Variants in COL6A2 observed in about 807,000 individuals in gnomAD.
The protein encoded by COL6A2 is collagen alpha-2(VI) chain.
Under a neutral mutation model 124.9 loss-of-function variants are expected in COL6A2, and 90 were observed. The ratio of observed to expected loss-of-function variants is 0.72; its 90% CI spans 0.61 to 0.86. The LOEUF is 0.86. Among genes scored for constraint, COL6A2 ranks in the 40% least tolerant of loss-of-function variants. The pLI is 0.00. For missense variants in COL6A2, 1,607 were observed against 1,502.5 expected, an observed-to-expected ratio of 1.07 and a Z score of -1.15; for synonymous variants, 793 against 618.2, an observed-to-expected ratio of 1.28 and a Z score of -4.19.
chr21:46,115,845 T>C (rs1260587029), intron 5 of COL6A2, 27 bp from the exon 6 acceptor site: 2 of 1,611,750 alleles, frequency 1.2e-6, no homozygotes, highest in South Asian at 2.2e-5. Flanking sequence ...CTACCCTGCC[T>C]CGATGTACTC....
chr21:46,121,556 G>A lies in COL6A2; in HGVS notation c.1459G>A (p.Gly487Arg), dbSNP rs2078566345. Residue 487 changes from glycine to arginine, a missense_variant and splice_region_variant, in exon 18 of 28, where the codon GGA (glycine) becomes AGA (arginine). By Grantham distance (125) the Gly-to-Arg change is moderately radical. Transcript: ENST00000300527. Reference protein sequence around the residue: ...QGALGEPGKQGSRGDPGDAGP... With the variant: ...QGALGEPGKQRSRGDPGDAGP... ...TTCTGAATTTCTCTCCTGCCCTCAG[G>A]GATCTCGGGGAGACCCCGGTGATGC... 1.2e-6 allele frequency: 2 copies of A among 1,612,860 alleles called. No homozygotes were observed. Among genetic ancestry groups the A allele is most frequent in the Non-Finnish European group, 1.7e-6 (2 of 1,179,960 alleles).
In COL6A2 at chr21:46,121,684, G is replaced by C. The variant is rs1601238525; in HGVS notation, c.1521+66G>C. The C allele has an allele frequency of 1.0e-5, 16 of 1,535,186 alleles. 1 individual carries two copies. Among genetic ancestry groups the C allele is most frequent in the East Asian group, 9.1e-5 (4 of 43,842 alleles). On this transcript the variant is annotated intron_variant, in intron 18 of 27. Transcript: ENST00000300527. ...GGCAGCTGCCTGAGGAGCAGGACAG[G>C]GGGCCGGCCTGGGGGACCCTGTTGC...
chr21:46,128,917 G>C lies in COL6A2; in HGVS notation c.2461+2376G>C, dbSNP rs767408866. 1.8e-5 allele frequency: 29 copies of C among 1,612,972 alleles called. No homozygotes were observed. The African/African-American group carries it at 3.6e-4, about 20-fold the overall frequency. On this transcript the variant is annotated intron_variant, in intron 27 of 27. Transcript: ENST00000300527. ...CTCCGGCACAGGTTTGGACGGAGCT[G>C]TTTTGTGCTGAAAGGTTTTCTCGGG...
chr21:46,125,461 C>G lies in COL6A2; in HGVS notation c.1817-4C>G, dbSNP rs373659176. On this transcript the variant is annotated splice_region_variant and splice_polypyrimidine_tract_variant and intron_variant, in intron 24 of 27. Transcript: ENST00000300527. Reference sequence around the variant, plus strand: ...ACCCCCCGATGACCCTGCCACCCCCCCAGACTGTGAGAAGCGCTGTGGCGC... The same window carrying G: ...ACCCCCCGATGACCCTGCCACCCCCGCAGACTGTGAGAAGCGCTGTGGCGC... 6.8e-6 allele frequency: 11 copies of G among 1,612,760 alleles called. No individual in the cohort carries two copies. Among genetic ancestry groups the G allele is most frequent in the African/African-American group, 5.3e-5 (4 of 74,914 alleles).
Position 46,125,458 on chromosome 21 carries a change from C to CA in COL6A2, c.1817-7_1817-6insA, listed in dbSNP as rs759572010. On this transcript the variant is annotated splice_region_variant and splice_polypyrimidine_tract_variant and intron_variant, in intron 24 of 27. Coordinates refer to ENST00000300527, the MANE Select transcript of COL6A2 (RefSeq NM_001849.4). ...GGTACCCCCCGATGACCCTGCCACCCCCCCAGACTGTGAGAAGCGCTGTGG... is the reference window on the plus strand; with the variant it reads ...GGTACCCCCCGATGACCCTGCCACCCACCCCAGACTGTGAGAAGCGCTGTGG... The CA allele has an allele frequency of 6.2e-6, 10 of 1,612,672 alleles. No individual in the cohort carries two copies. The highest frequency in any genetic ancestry group is 8.5e-6 in the Non-Finnish European group (10 of 1,179,892).
chr21:46,126,600 C>A (rs2078673631), intron 27 of COL6A2, 59 bp downstream of exon 27: 1 of 1,604,964 alleles, frequency 6.2e-7, no homozygotes, highest in Non-Finnish European at 8.5e-7. Flanking sequence ...TGGTGTCCTT[C>A]CTCCTCGAGG....
chr21:46,110,403 TTA>T (rs1469231454), intron 1 of COL6A2, among the ~76,000 whole-genome samples: 1 of 152,224 alleles, frequency 6.6e-6, no homozygotes, highest in African/African-American at 2.4e-5. Context: ...GGGAAAAAGT[TTA>T]TCTTTTTATG....
intron 4 of COL6A2, among the ~76,000 whole-genome samples, chr21:46,113,344 C>G (rs1449373529): frequency 2.0e-5 from 3 of 152,140 alleles, no homozygotes; most frequent in Non-Finnish European, 4.4e-5. Flanking sequence ...ACCAGTGCCC[C>G]TTGCTCTTCC....
intron 16 of COL6A2, among the ~76,000 whole-genome samples, chr21:46,120,779 G>T (rs1029085206): frequency 6.6e-6 from 1 of 151,792 alleles, no homozygotes; most frequent in Non-Finnish European, 1.5e-5. Flanking sequence ...CAAGGTAAGG[G>T]ACCAAGGCAA....
rs770024474 is a variant in COL6A2, at chr21:46,125,502, C to T, written c.1854C>T (p.Phe618=). The T allele has an allele frequency of 9.9e-6, 16 of 1,612,978 alleles. No individual in the cohort carries two copies. The highest frequency in any genetic ancestry group is 3.3e-5 in the Admixed American group (2 of 60,024). The part of the protein sequence containing the change: ...EKRCGALDVV[F]VIDSSESIGY... ...GCTGTGGCGCCCTGGACGTGGTCTT[C>T]GTCATCGACAGCTCCGAGAGCATTG... Residue 618 remains phenylalanine (F), a synonymous_variant, in exon 25 of 28, where the codon TTC becomes TTT. Coordinates refer to ENST00000300527, the MANE Select transcript of COL6A2 (RefSeq NM_001849.4).
rs1412085943 is a variant in COL6A2, at chr21:46,132,783, G to C, written c.*231G>C. 1.2e-5 allele frequency: 7 copies of C among 588,198 alleles called. No homozygotes were observed. Among genetic ancestry groups the C allele is most frequent in the South Asian group, 4.0e-5 (2 of 50,390 alleles). 36.4% of individuals were successfully genotyped at this position (588,198 alleles called of 1,614,324 possible). On this transcript the variant is annotated 3_prime_UTR_variant, in exon 28 of 28. Transcript: ENST00000300527. ...CTCCCTCCCCCTGCAGCCATCCCAAGGCTCCTGACCTACCTGGCCCCTGAG... is the reference window on the plus strand; with the variant it reads ...CTCCCTCCCCCTGCAGCCATCCCAACGCTCCTGACCTACCTGGCCCCTGAG...
Position 46,126,217 on chromosome 21 carries a change from T to G in COL6A2, c.2402T>G (p.Met801Arg), listed in dbSNP as rs727502834. 18 of 1,600,096 alleles carry G rather than the reference T, an allele frequency of 1.1e-5. No homozygotes were observed. The highest frequency in any genetic ancestry group is 1.5e-5 in the Non-Finnish European group (18 of 1,179,178). Residue 801 changes from methionine (M) to arginine (R), a missense_variant, in exon 26 of 28, where the codon ATG (methionine) becomes AGG (arginine). Physicochemically the swap from Met to Arg is moderately conservative, Grantham distance 91. This residue lies in a region of COL6A2 where 1,223 missense variants were observed against 1,052.2 expected (regional missense o/e 1.16). Transcript: ENST00000300527. Reference sequence around the variant, plus strand: ...GTCGCTGAGAAGTTCATCGATGACATGGAGGACGTCCTCTGCCCGGGTGAG... The same window carrying G: ...GTCGCTGAGAAGTTCATCGATGACAGGGAGGACGTCCTCTGCCCGGGTGAG... ...DLVAEKFIDD[M>R]EDVLCPDPQI...
chr21:46,125,801 G>A lies in COL6A2; in HGVS notation c.1986G>A (p.Val662=). ...PKSETGTRVG[V]VQYSHEGTFE... The stretch of plus-strand genomic sequence containing the variant: ...GGCTTGCAGGGACGCGTGTGGGCGT[G>A]GTGCAGTACAGCCACGAGGGCACCT... The change falls in exon 26 of 28, where the codon GTG becomes GTA. Residue 662 remains valine, a synonymous_variant. Coordinates refer to ENST00000300527, the MANE Select transcript of COL6A2 (RefSeq NM_001849.4). 3 of 1,612,186 alleles carry A rather than the reference G, an allele frequency of 1.9e-6. No homozygotes were observed. The highest frequency in any genetic ancestry group is 1.1e-5 in the South Asian group (1 of 91,082).
At chr21:46,114,583 C>T (rs2078446999) in intron 5 of COL6A2, among the ~76,000 whole-genome samples, 1 of 152,060 alleles carries the variant, frequency 6.6e-6, no homozygotes, top group Non-Finnish European at 1.5e-5. Context: ...TGAGATATGC[C>T]ATTAAAATAC....
At chr21:46,110,268 A>G (rs561169445) in intron 1 of COL6A2, among the ~76,000 whole-genome samples, 15 of 152,032 alleles carry the variant, frequency 9.9e-5, no homozygotes, top group Admixed American at 3.9e-4. Context: ...GGCAGCGGCC[A>G]CACCAGATGG....
chr21:46,114,424 C>CAAA (rs751941293), intron 5 of COL6A2, among the ~76,000 whole-genome samples: 2 of 96,624 alleles, frequency 2.1e-5, no homozygotes, highest in Admixed American at 1.1e-4. Flanking sequence ...GACTCTGTCT[C>CAAA]AAAAAAAAAA....
chr21:46,129,881 C>G, intron 27 of COL6A2: 2 of 1,020,750 alleles, frequency 2.0e-6, no homozygotes, highest in Non-Finnish European at 1.2e-6. Context: ...TCTTTGGAGG[C>G]CCTTACTTAG....
At chr21:46,126,596 CCTT>C in intron 27 of COL6A2, 55 bp downstream of exon 27, 1 of 1,607,104 alleles carries the variant, frequency 6.2e-7, no homozygotes, top group Non-Finnish European at 8.5e-7. Context: ...GCCCTGGTGT[CCTT>C]CCTCCTCGAG....
rs9977766 is a variant in COL6A2, at chr21:46,128,911, G to T, written c.2461+2370G>T. 4 of 1,612,638 alleles carry T rather than the reference G, an allele frequency of 2.5e-6. No homozygotes were observed. In the Admixed American group the frequency reaches 6.7e-5, roughly 27 times the overall value. The stretch of plus-strand genomic sequence containing the variant: ...GCCTGTCTCCGGCACAGGTTTGGAC[G>T]GAGCTGTTTTGTGCTGAAAGGTTTT... On this transcript the variant is annotated intron_variant, in intron 27 of 27. Coordinates refer to ENST00000300527, the MANE Select transcript of COL6A2 (RefSeq NM_001849.4).
Sources: gnomAD v4.1 joint callset for allele counts (sites outside exome capture counted in the v4.1 genomes callset) on GRCh38, gnomAD v4.1.1 for gene constraint, gnomAD v4.1.1 regional missense constraint, MANE v1.5 for transcripts, NCBI Gene and HGNC (gene_info 2026-07-23, HGNC 2026-07-21) for gene names.